The following ARHGAP8 variants were observed in gnomAD, a reference collection of about 807,000 sequenced individuals.
ARHGAP8 encodes the protein rho GTPase-activating protein 8.
A neutral mutation model predicts 46.1 loss-of-function variants in ARHGAP8; 62 were observed. That is an observed-to-expected ratio of 1.34 (90% CI 1.10 to 1.66). The LOEUF (loss-of-function observed/expected upper bound fraction) is 1.66. Among genes scored for constraint, ARHGAP8 ranks in the 40% most tolerant of loss-of-function variants. The pLI is 0.00. For synonymous variants in ARHGAP8, 375 were observed against 243.1 expected (o/e 1.54, Z -5.05); for missense variants, 923 against 568.4 (o/e 1.62, Z -6.34).
At chr22:44,815,067 T>C (rs1231981935) in intron 5 of ARHGAP8, among the ~76,000 whole-genome samples, 1 of 152,170 alleles carries the variant, frequency 6.6e-6, no homozygotes, top group Non-Finnish European at 1.5e-5. Flanking sequence ...GACTCACAGA[T>C]GTCAGGAAAG....
At chr22:44,762,539 CTCTCTT>C (rs1156236514) in intron 1 of ARHGAP8, among the ~76,000 whole-genome samples, 1 of 139,012 alleles carries the variant, frequency 7.2e-6, no homozygotes, top group Non-Finnish European at 1.5e-5. Context: ...AACTCTCTCT[CTCTCTT>C]TTTTTTTTTT....
At chr22:44,796,729 G>A (rs568180554) in intron 2 of ARHGAP8, among the ~76,000 whole-genome samples, 27 of 152,286 alleles carry the variant, frequency 1.8e-4, no homozygotes, top group African/African-American at 5.3e-4. Context: ...CTTACCCTGC[G>A]CGTCTCTTCC....
At chr22:44,818,937 G>T (rs1453156679) in intron 5 of ARHGAP8, among the ~76,000 whole-genome samples, 1 of 152,096 alleles carries the variant, frequency 6.6e-6, no homozygotes, top group African/African-American at 2.4e-5. Flanking sequence ...GGCCTCAAGT[G>T]ATCCTCCTTT....
chr22:44,861,895 A>G (rs879111318), intron 11 of ARHGAP8, among the ~76,000 whole-genome samples: 7 of 151,986 alleles, frequency 4.6e-5, no homozygotes, highest in Admixed American at 4.6e-4. Context: ...GCTGGTCCCC[A>G]TCATGCCCAG....
chr22:44,862,357 A>T lies in ARHGAP8; in HGVS notation c.1064A>T (p.Gln355Leu). The stretch of plus-strand genomic sequence containing the variant: ...GGGCTGAATTTGATCTGGCCATCCC[A>T]GGGGGTCTCCTCCCTGAGTGCCCTT... ...VFGLNLIWPS[Q>L]GVSSLSALVP... is the part of the protein sequence containing the mutation. Residue 355 changes from glutamine (Q) to leucine (L), a missense_variant, in exon 12 of 12, where the codon CAG becomes CTG. By Grantham distance (113) the Gln-to-Leu change is moderately radical (BLOSUM62 -2). Transcript: ENST00000356099. The T allele has an allele frequency of 1.2e-6, 2 of 1,614,126 alleles. No homozygotes were observed.
intron 7 of ARHGAP8, among the ~76,000 whole-genome samples, chr22:44,838,867 T>G (rs1931464422): frequency 6.6e-6 from 1 of 152,114 alleles, no homozygotes. Flanking sequence ...ACAATTTTCG[T>G]CAGTGCCATT....
intron 10 of ARHGAP8, 81 bp downstream of exon 10, chr22:44,849,141 T>G (rs1034656267): frequency 1.3e-6 from 2 of 1,593,022 alleles, no homozygotes; most frequent in Non-Finnish European, 1.7e-6. Context: ...GGTCAGGCTC[T>G]GGGGTGGCCG....
At chr22:44,831,771 A>G (rs1930964183) in intron 7 of ARHGAP8, among the ~76,000 whole-genome samples, 1 of 152,186 alleles carries the variant, frequency 6.6e-6, no homozygotes, top group Non-Finnish European at 1.5e-5. Flanking sequence ...ACCAATAAAC[A>G]TGAGGGTTTA....
intron 2 of ARHGAP8, 133 bp from the exon 3 acceptor site, chr22:44,801,944 C>G (rs1045228483): frequency 2.1e-6 from 2 of 948,564 alleles, no homozygotes; most frequent in Non-Finnish European, 3.2e-6. Flanking sequence ...CAGCAGGTGT[C>G]GCCTCCGAGG....
Position 44,848,050 on chromosome 22 carries a change from G to T in ARHGAP8, c.748G>T (p.Gly250Trp), listed in dbSNP as rs754945300. ...CGAGATCCAGAGGCTCTACAACCAA[G>T]GTGAGGGTGTCCCGCAGTCCTGAGC... ...VREIQRLYNQ[G>W]KPVNFDDYGD... The change falls in exon 9 of 12, where the codon GGG becomes TGG. Residue 250 changes from glycine (G) to tryptophan (W), a missense_variant and splice_region_variant. Physicochemically the swap from Gly to Trp is radical, Grantham distance 184. Transcript: ENST00000356099. 3.7e-6 allele frequency: 6 copies of T among 1,606,042 alleles called. No individual in the cohort carries two copies. Among genetic ancestry groups the T allele is most frequent in the Non-Finnish European group, 5.1e-6 (6 of 1,179,924 alleles).
intron 1 of ARHGAP8, among the ~76,000 whole-genome samples, chr22:44,757,742 G>T (rs2146984217): frequency 6.6e-6 from 1 of 151,490 alleles, no homozygotes; most frequent in African/African-American, 2.4e-5. Context: ...GGGCTCAAAT[G>T]ATTCTCGTGC....
At chr22:44,862,159 C>T (rs532382410) in intron 11 of ARHGAP8, 116 bp from the exon 12 acceptor site, 2 of 1,285,488 alleles carry the variant, frequency 1.6e-6, no homozygotes, top group African/African-American at 1.5e-5. Flanking sequence ...GCTGCCGGCT[C>T]CCAGTCCAGT....
chr22:44,808,918 A>C, intron 4 of ARHGAP8: 1 of 367,656 alleles, frequency 2.7e-6, no homozygotes, highest in Non-Finnish European at 5.4e-6. Context: ...CCTGGGCTCA[A>C]GCAGTCCTCT....
chr22:44,852,216 AAGG>A, intron 10 of ARHGAP8, among the ~76,000 whole-genome samples: 1 of 139,342 alleles, frequency 7.2e-6, no homozygotes, highest in Middle Eastern at 3.8e-3. Context: ...AAAAAAAAAA[AAGG>A]AAGGGAGGAA....
chr22:44,837,864 G>A (rs1461957237), intron 7 of ARHGAP8, among the ~76,000 whole-genome samples: 3 of 152,172 alleles, frequency 2.0e-5, no homozygotes, highest in African/African-American at 7.2e-5. Context: ...CTGGGAGCAC[G>A]GCAGCTCTGG....
chr22:44,842,605 CT>C (rs1931727360), intron 7 of ARHGAP8, among the ~76,000 whole-genome samples: 1 of 152,132 alleles, frequency 6.6e-6, no homozygotes. Context: ...GTCCCTCATC[CT>C]AACACTCACT....
chr22:44,839,381 G>T (rs886675294), intron 7 of ARHGAP8, among the ~76,000 whole-genome samples: 2 of 151,198 alleles, frequency 1.3e-5, no homozygotes, highest in Admixed American at 1.3e-4. Flanking sequence ...ATCGAGATTG[G>T]ATATGCAGAA....
At chr22:44,813,778 TACACCTACAC>T (rs1929537437) in intron 4 of ARHGAP8, among the ~76,000 whole-genome samples, 1 of 132,294 alleles carries the variant, frequency 7.6e-6, no homozygotes, top group African/African-American at 2.8e-5. Flanking sequence ...TACACCTACA[TACACCTACAC>T]ACACATACAA....
intron 1 of ARHGAP8, among the ~76,000 whole-genome samples, chr22:44,770,404 CT>C (rs59724840): frequency 8.0e-4 from 117 of 145,586 alleles, no homozygotes; most frequent in Middle Eastern, 3.6e-3. Context: ...ACCTTAGATT[CT>C]TTTTTTTTTT....
Sources: gnomAD v4.1 joint callset for allele counts (sites outside exome capture counted in the v4.1 genomes callset) on GRCh38, gnomAD v4.1.1 for gene constraint, MANE v1.5 for transcripts, NCBI Gene and HGNC (gene_info 2026-07-23, HGNC 2026-07-21) for gene names.